Variants in RCN2 observed in about 807,000 individuals in gnomAD.
RCN2 encodes the protein reticulocalbin-2.
RCN2 carries 23 observed loss-of-function variants against 37.5 expected under a neutral mutation model. That is an observed-to-expected ratio of 0.61 (90% CI 0.44 to 0.87). The LOEUF is 0.87. Ranked by LOEUF, RCN2 falls within the 40% of genes least tolerant of loss-of-function variation. RCN2 has a pLI of 0.00. For missense variants in RCN2, 381 were observed against 390.4 expected, an observed-to-expected ratio of 0.98 and a Z score of 0.20; for synonymous variants, 140 against 144.6, an observed-to-expected ratio of 0.97 and a Z score of 0.23.
chr15:76,937,888 A>T (rs2075259601), intron 3 of RCN2, among the ~76,000 whole-genome samples: 2 of 152,190 alleles, frequency 1.3e-5, no homozygotes, highest in African/African-American at 4.8e-5. Flanking sequence ...AACAGAAATG[A>T]CTGTGAGCTT....
At position 76,932,356 on chromosome 15, in the gene RCN2, TA is replaced by T. The variant is rs767401392; in HGVS notation, c.145-2del. The T allele has an allele frequency of 1.2e-4, 201 of 1,609,328 alleles. 1 individual carries two copies. The Admixed American group carries it at 3.4e-3, about 27-fold the overall frequency. On this transcript the variant is annotated splice_region_variant and splice_polypyrimidine_tract_variant and intron_variant, in intron 1 of 6. Transcript: ENST00000394885. ...GGCCCTCCTGTGTGTCGCTTCCCCC[TA>T]AAGGAAGATGTGGATGAATATGTTA... is the stretch of plus-strand genomic sequence containing the variant.
intron 3 of RCN2, among the ~76,000 whole-genome samples, chr15:76,940,000 G>A (rs1278493324): frequency 6.6e-6 from 1 of 152,080 alleles, no homozygotes; most frequent in Non-Finnish European, 1.5e-5. Flanking sequence ...TACTTAGAAT[G>A]TGTTGATTAT....
At chr15:76,946,418 T>C (rs1210662625) in intron 4 of RCN2, among the ~76,000 whole-genome samples, 1 of 150,786 alleles carries the variant, frequency 6.6e-6, no homozygotes, top group African/African-American at 2.4e-5. Flanking sequence ...CACTGCTCTC[T>C]AGCCTGGGTG....
rs1265987661 is a variant in RCN2 at position 76,953,691 on chromosome 15, TCCGCCTCCCGGGTTCA to T, written c.*4471_*4486del. The T allele has an allele frequency of 7.3e-6, 1 of 137,246 alleles. No homozygotes were observed. The highest frequency in any genetic ancestry group is 2.7e-5 in the African/African-American group (1 of 36,626). The allele number at this position is 137,246 out of a possible 1,614,324, so 8.5% of individuals were successfully genotyped here. A position where few individuals can be genotyped will look rare whatever the true frequency, so the allele number is the denominator to read the frequency against. On this transcript the variant is annotated 3_prime_UTR_variant, in exon 7 of 7. Transcript: ENST00000394885. ...GGCGCGATCTCGGCTCACTGCAGGC[TCCGCCTCCCGGGTTCA>T]CACCATTCTCCTGCCTCAGCCTCCC...
intron 5 of RCN2, 76 bp from the exon 6 acceptor site, chr15:76,948,334 C>T: frequency 9.8e-7 from 1 of 1,018,970 alleles, no homozygotes; most frequent in South Asian, 2.1e-5. Context: ...TTCCTTTATT[C>T]TAGGGATATA....
intron 3 of RCN2, among the ~76,000 whole-genome samples, chr15:76,936,113 C>T (rs2075246368): frequency 6.6e-6 from 1 of 151,782 alleles, no homozygotes; most frequent in Non-Finnish European, 1.5e-5. Context: ...CTTAAAAAAA[C>T]TGCGGTTTCC....
In RCN2 at chr15:76,948,456, C is replaced by T. The variant is rs201141990; in HGVS notation, c.705C>T (p.Phe235=). ...GGATACTTGTTGAGAAAGACAGATT[C>T]GTGAATGATTATGACAAAGATAACG... ...PEWILVEKDR[F]VNDYDKDNDG... Residue 235 remains phenylalanine (F), a synonymous_variant, in exon 6 of 7, where the codon TTC becomes TTT. Transcript: ENST00000394885. The T allele has an allele frequency of 1.2e-5, 19 of 1,608,896 alleles. No homozygotes were observed. The highest frequency in any genetic ancestry group is 2.2e-5 in the South Asian group (2 of 90,472).
Position 76,931,855 on chromosome 15 carries a change from C to G in RCN2, c.14C>G (p.Pro5Arg). MRLG[P>R]RTAALGLLLL... ...CGGGCCGGCGCGATGCGGCTGGGCCCGAGGACCGCGGCGTTGGGGCTGCTG... is the reference window on the plus strand; with the variant it reads ...CGGGCCGGCGCGATGCGGCTGGGCCGGAGGACCGCGGCGTTGGGGCTGCTG... The change falls in exon 1 of 7, where the codon CCG becomes CGG. Residue 5 changes from proline to arginine, a missense_variant. Pro to Arg is a moderately radical substitution (Grantham distance 103). Transcript: ENST00000394885. The G allele has an allele frequency of 7.9e-7, 1 of 1,268,818 alleles. No homozygotes were observed. 78.6% of individuals were successfully genotyped at this position (1,268,818 alleles called of 1,614,324 possible). A position where few individuals can be genotyped will look rare whatever the true frequency, so the allele number is the denominator to read the frequency against.
At chr15:76,936,980 T>C (rs2075252986) in intron 3 of RCN2, among the ~76,000 whole-genome samples, 1 of 152,188 alleles carries the variant, frequency 6.6e-6, no homozygotes. Context: ...CTGTTCTACT[T>C]TCTGTCTCTG....
rs2075310408 is a variant in RCN2, at chr15:76,949,483, G to C, written c.*261G>C. On this transcript the variant is annotated 3_prime_UTR_variant, in exon 7 of 7. Transcript: ENST00000394885. ...CTTTCCTAAATACTCCATCTGTTTA[G>C]TACTGTATTGTGGAATATTTGAGTT... 1 of 250,820 alleles carries C rather than the reference G, an allele frequency of 4.0e-6. No individual in the cohort carries two copies. The highest frequency in any genetic ancestry group is 7.5e-6 in the Non-Finnish European group (1 of 132,998). 15.5% of individuals were successfully genotyped at this position (250,820 alleles called of 1,614,324 possible).
intron 3 of RCN2, among the ~76,000 whole-genome samples, chr15:76,936,178 A>T (rs1040760056): frequency 7.2e-6 from 1 of 139,780 alleles, no homozygotes; most frequent in Non-Finnish European, 1.5e-5. Context: ...AGTAAGTATT[A>T]AAAAAAAAAA....
Position 76,932,341 on chromosome 15 carries a change from T to C in RCN2, c.145-20T>C. ...CTGATAGTAATGCTTGGCCCTCCTGTGTGTCGCTTCCCCCTAAAGGAAGAT... is the reference window on the plus strand; with the variant it reads ...CTGATAGTAATGCTTGGCCCTCCTGCGTGTCGCTTCCCCCTAAAGGAAGAT... On this transcript the variant is annotated intron_variant, in intron 1 of 6. Transcript: ENST00000394885. 6.3e-7 allele frequency: 1 copy of C among 1,584,360 alleles called. No individual in the cohort carries two copies. Among genetic ancestry groups the C allele is most frequent in the African/African-American group, 1.3e-5 (1 of 74,366 alleles).
chr15:76,949,231 C>T lies in RCN2; in HGVS notation c.*9C>T, dbSNP rs1354579472. On this transcript the variant is annotated 3_prime_UTR_variant, in exon 7 of 7. Transcript: ENST00000394885. Reference sequence around the variant, plus strand: ...ATCATGATGAGCTTTAATCTCTGAGCCTGTCTCAGTAGAGTACTGGCTCCT... The same window carrying T: ...ATCATGATGAGCTTTAATCTCTGAGTCTGTCTCAGTAGAGTACTGGCTCCT... 1.3e-6 allele frequency: 2 copies of T among 1,586,586 alleles called. No individual in the cohort carries two copies. The highest frequency in any genetic ancestry group is 2.2e-5 in the East Asian group (1 of 44,470).
chr15:76,949,964 G>A lies in RCN2; in HGVS notation c.*742G>A, dbSNP rs1463734932. Reference sequence around the variant, plus strand: ...ATATTGAATTTAGCATAGGTTTTGTGGTATTGTACATTATCTTGCCTCATC... The same window carrying A: ...ATATTGAATTTAGCATAGGTTTTGTAGTATTGTACATTATCTTGCCTCATC... On this transcript the variant is annotated 3_prime_UTR_variant, in exon 7 of 7. Transcript: ENST00000394885. 661 of 152,272 alleles carry A rather than the reference G, an allele frequency of 4.3e-3. 7 individuals are homozygous for A. Among genetic ancestry groups the A allele is most frequent in the African/African-American group, 0.015 (629 of 41,452 alleles). The allele number at this position is 152,272 out of a possible 1,614,324, so 9.4% of individuals were successfully genotyped here.
intron 2 of RCN2, among the ~76,000 whole-genome samples, chr15:76,932,782 A>C (rs185054029): frequency 6.6e-6 from 1 of 152,354 alleles, no homozygotes; most frequent in Admixed American, 6.5e-5. Context: ...TATGCCCCAA[A>C]ACTTTAAGGC....
intron 3 of RCN2, chr15:76,941,698 A>C (rs1353759086): frequency 2.8e-6 from 4 of 1,428,568 alleles, no homozygotes; most frequent in East Asian, 5.1e-5. Context: ...AATGTGAGCT[A>C]TTCTTATTTT....
At position 76,953,808 on chromosome 15, in the gene RCN2, C is replaced by T. The variant is rs1219455662; in HGVS notation, c.*4586C>T. The T allele has an allele frequency of 5.9e-4, 10 of 16,910 alleles. No individual in the cohort carries two copies. Among genetic ancestry groups the T allele is most frequent in the African/African-American group, 6.7e-4 (10 of 15,012 alleles). The allele number at this position is 16,910 out of a possible 1,614,324, so 1.0% of individuals were successfully genotyped here. The stretch of plus-strand genomic sequence containing the variant: ...ATTTTTAGTAGAGACGGGGTTTCAC[C>T]GTGTTAGCCAGGATGGTCTTGATCT... On this transcript the variant is annotated 3_prime_UTR_variant, in exon 7 of 7. Transcript: ENST00000394885.
chr15:76,934,151 T>G (rs554483641), intron 2 of RCN2, among the ~76,000 whole-genome samples: 83 of 150,872 alleles, frequency 5.5e-4, no homozygotes, highest in African/African-American at 2.0e-3. Context: ...AGTTTTTTGT[T>G]TTTTTTTTTG....
chr15:76,932,585 A>G, intron 2 of RCN2, 119 bp downstream of exon 2: 1 of 699,512 alleles, frequency 1.4e-6, no homozygotes, highest in South Asian at 1.6e-5. Context: ...GAAGGAGAAA[A>G]GGACATGGAG....
Sources: allele counts gnomAD v4.1 joint callset (sites outside exome capture counted in the v4.1 genomes callset), GRCh38; gene constraint gnomAD v4.1.1; transcripts MANE v1.5; gene names NCBI Gene and HGNC (gene_info 2026-07-23, HGNC 2026-07-21).